The following ATR variants were observed in gnomAD, a reference collection of about 807,000 sequenced individuals.
The protein encoded by ATR is ATR checkpoint kinase.
ATR carries 142 observed loss-of-function variants against 305.3 expected under a neutral mutation model. The observed-to-expected ratio is 0.47, with a 90% CI of 0.41 to 0.53. The LOEUF (loss-of-function observed/expected upper bound fraction) is 0.53. ATR is among the 20% of genes least tolerant of loss of function. The probability of loss-of-function intolerance (pLI) is 0.00; values close to 1 mark genes in which losing one functional copy is unlikely to be tolerated. For missense variants in ATR, 2,135 were observed against 3,133.1 expected (o/e 0.68, Z 7.60); for synonymous variants, 1,050 against 1,068.1 (o/e 0.98, Z 0.33).
intron 46 of ATR, 166 bp from the exon 47 acceptor site, chr3:142,449,768 T>C (rs1295614509): frequency 1.4e-6 from 1 of 737,200 alleles, no homozygotes; most frequent in Non-Finnish European, 2.2e-6. Context: ...ACAGTTAGCT[T>C]GTGATACTGA....
intron 36 of ATR, among the ~76,000 whole-genome samples, chr3:142,481,079 G>T (rs535419024): frequency 2.6e-5 from 4 of 152,180 alleles, no homozygotes; most frequent in Admixed American, 6.5e-5. Context: ...TGCTCGGTGC[G>T]CTGCACCCAC....
chr3:142,467,834 A>C, intron 39 of ATR, 100 bp downstream of exon 39: 2 of 1,383,958 alleles, frequency 1.4e-6, no homozygotes, highest in Non-Finnish European at 2.0e-6. Flanking sequence ...GTACACCTAT[A>C]GTTAGAATTT....
At chr3:142,451,815 T>C in intron 46 of ATR, 3 of 1,274,612 alleles carry the variant, frequency 2.4e-6, no homozygotes, top group Non-Finnish European at 3.0e-6. Flanking sequence ...GTATATAGCT[T>C]GAGTGTGATC....
chr3:142,566,310 G>A (rs2108494859), intron 2 of ATR, 49 bp from the exon 3 acceptor site: 3 of 1,595,122 alleles, frequency 1.9e-6, no homozygotes, highest in Non-Finnish European at 2.6e-6. Context: ...TTAAACAATG[G>A]TCCTTTTGTT....
chr3:142,450,875 G>C, intron 46 of ATR: 1 of 1,315,322 alleles, frequency 7.6e-7, no homozygotes, highest in South Asian at 1.5e-5. Context: ...CAAGCAGACA[G>C]ATACCAATAC....
intron 31 of ATR, 134 bp downstream of exon 31, chr3:142,499,493 A>G: frequency 1.3e-6 from 1 of 755,296 alleles, no homozygotes; most frequent in Admixed American, 2.0e-5. Context: ...ACGGGGTTTC[A>G]CTGTGTTAGC....
chr3:142,568,072 CATCTGTAAGT>C lies in ATR; in HGVS notation c.132_141del (p.Ile44MetfsTer2). 1.2e-6 allele frequency: 2 copies of C among 1,606,420 alleles called. No individual in the cohort carries two copies. Among genetic ancestry groups the C allele is most frequent in the Non-Finnish European group, 1.7e-6 (2 of 1,174,964 alleles). ...ATAATTGGTTTCTTACCAACATTTA[CATCTGTAAGT>C]ATCCGGTCAATGAATTGACACAGAA... On this transcript the variant is annotated frameshift_variant, in exon 2 of 47. Transcript: ENST00000350721. LOFTEE classifies it high-confidence loss of function.
rs2227928 is a variant in ATR, at chr3:142,562,770, A to G, written c.632T>C (p.Met211Thr). ...NLEFIEVTLL[M>T]VLTRIIAIVF... ...AATTGCAATAATACGAGTAAGAACC[A>G]TTAATAAAGTGACTTCAATAAATTC... Residue 211 changes from methionine (M) to threonine (T), a missense_variant, in exon 4 of 47, where the codon ATG becomes ACG. Around this residue, in one of 9 missense-constraint regions of ATR, gnomAD observed 744 missense variants for 873.2 expected, o/e 0.85. Transcript: ENST00000350721. The G allele has an allele frequency of 0.58, 929,058 of 1,609,006 alleles. 272,275 individuals are homozygous for G. Among genetic ancestry groups the G allele is most frequent in the African/African-American group, 0.8 (59,385 of 74,640 alleles).
chr3:142,505,044 A>AAAAACAAAAC (rs540593291), intron 29 of ATR, 95 bp downstream of exon 29: 1 of 1,484,276 alleles, frequency 6.7e-7, no homozygotes, highest in Non-Finnish European at 9.3e-7. Flanking sequence ...ACTCTGTCTC[A>AAAAACAAAAC]AAAACAAAAC....
rs745958083 is a variant in ATR, at chr3:142,556,145, G to GA, written c.2079-7dup. Reference sequence around the variant, plus strand: ...AATCATCTTTGACTTTATCTCTGGGGAAAAAAAAGAAAAAGTACTAAACTT... The same window carrying GA: ...AATCATCTTTGACTTTATCTCTGGGGAAAAAAAAAGAAAAAGTACTAAACTT... On this transcript the variant is annotated splice_region_variant and splice_polypyrimidine_tract_variant and intron_variant, in intron 9 of 46. Coordinates refer to ENST00000350721, the MANE Select transcript of ATR (RefSeq NM_001184.4). 18 of 1,605,110 alleles carry GA rather than the reference G, an allele frequency of 1.1e-5. No individual in the cohort carries two copies. Among genetic ancestry groups the GA allele is most frequent in the Admixed American group, 6.9e-5 (4 of 57,758 alleles).
chr3:142,534,537 A>G (rs2033783046), intron 21 of ATR, among the ~76,000 whole-genome samples: 1 of 152,106 alleles, frequency 6.6e-6, no homozygotes, highest in African/African-American at 2.4e-5. Context: ...AATTCCGTTA[A>G]ATTTTTTCCA....
chr3:142,506,377 A>G (rs2032236752), intron 28 of ATR, among the ~76,000 whole-genome samples: 1 of 152,308 alleles, frequency 6.6e-6, no homozygotes, highest in African/African-American at 2.4e-5. Flanking sequence ...TTGAATTTTG[A>G]CAGGAAGAAA....
intron 15 of ATR, 26 bp from the exon 16 acceptor site, chr3:142,547,936 A>AT (rs1381238860): frequency 3.7e-6 from 6 of 1,608,460 alleles, no homozygotes; most frequent in Non-Finnish European, 5.1e-6. Flanking sequence ...GTTAAAAAAA[A>AT]TTTTTTTCTT....
chr3:142,513,616 T>C lies in ATR; in HGVS notation c.4526A>G (p.Lys1509Arg). ...ITKVRHDLAS[K>R]IFTCCSIMMK... ...CATAATGCTACAGCAGGTGAAAATT[T>C]TACTGGCAAGATCATGTCGAACCTG... Residue 1509 changes from lysine to arginine, a missense_variant, in exon 26 of 47, where the codon AAA becomes AGA. Physicochemically the swap from Lys to Arg is conservative, Grantham distance 26. Transcript: ENST00000350721. 1.2e-6 allele frequency: 2 copies of C among 1,613,740 alleles called. No individual in the cohort carries two copies. The highest frequency in any genetic ancestry group is 1.7e-6 in the Non-Finnish European group (2 of 1,179,800).
chr3:142,508,092 C>T lies in ATR; in HGVS notation c.4870G>A (p.Glu1624Lys). The T allele has an allele frequency of 6.2e-7, 1 of 1,612,128 alleles. No homozygotes were observed. The highest frequency in any genetic ancestry group is 1.1e-5 in the South Asian group (1 of 90,836). ...VDSMVSTVDY[E>K]DYQSVTRFLD... ...AAACGGGTTACACTCTGATAGTCTTCATAATCCACAGTAGATACTAGATCA... is the reference window on the plus strand; with the variant it reads ...AAACGGGTTACACTCTGATAGTCTTTATAATCCACAGTAGATACTAGATCA... The change falls in exon 28 of 47, where the codon GAA (glutamate) becomes AAA (lysine). Residue 1624 changes from glutamate (E) to lysine (K), a missense_variant. Around this residue, in one of 9 missense-constraint regions of ATR, gnomAD observed 202 missense variants for 252.9 expected, o/e 0.80. Coordinates refer to ENST00000350721, the MANE Select transcript of ATR (RefSeq NM_001184.4).
chr3:142,557,472 T>C (rs2034714003), intron 8 of ATR, among the ~76,000 whole-genome samples: 1 of 152,174 alleles, frequency 6.6e-6, no homozygotes, highest in Non-Finnish European at 1.5e-5. Flanking sequence ...CTCATAAAGA[T>C]AGTGTTGATC....
rs2034679972 is a variant in ATR at position 142,556,550 on chromosome 3, C to A, written c.1911G>T (p.Val637=). The change falls in exon 9 of 47, where the codon GTG becomes GTT. Residue 637 remains valine (V), a synonymous_variant. Transcript: ENST00000350721. ...TTCTTGGAAACAGAGTCAGAAGAAACACACATCGTGATTGTGCCTGTGGTG... is the reference window on the plus strand; with the variant it reads ...TTCTTGGAAACAGAGTCAGAAGAAAAACACATCGTGATTGTGCCTGTGGTG... The part of the protein sequence containing the change: ...SYSPQAQSRC[V]FLLTLFPRRI... The A allele has an allele frequency of 6.2e-7, 1 of 1,613,902 alleles. No homozygotes were observed. The highest frequency in any genetic ancestry group is 1.1e-5 in the South Asian group (1 of 91,068).
Position 142,568,048 on chromosome 3 carries a change from T to C in ATR, c.151+15A>G. On this transcript the variant is annotated intron_variant, in intron 2 of 46. Transcript: ENST00000350721. ...TAATTTATAAAGTTTATATAAGAAA[T>C]AATTGGTTTCTTACCAACATTTACA... is the stretch of plus-strand genomic sequence containing the variant. The C allele has an allele frequency of 1.3e-6, 2 of 1,564,776 alleles. No individual in the cohort carries two copies. The highest frequency in any genetic ancestry group is 1.2e-5 in the South Asian group (1 of 85,890).
chr3:142,497,263 T>C (rs941095569), intron 32 of ATR, 71 bp from the exon 33 acceptor site: 5 of 1,476,862 alleles, frequency 3.4e-6, no homozygotes, highest in Non-Finnish European at 3.7e-6. Context: ...ATAAAGCAAG[T>C]ACTTTAAATC....
Sources: allele counts gnomAD v4.1 joint callset (sites outside exome capture counted in the v4.1 genomes callset), GRCh38; gene constraint gnomAD v4.1.1; regional missense constraint gnomAD v4.1.1; transcripts MANE v1.5; gene names NCBI Gene and HGNC (gene_info 2026-07-23, HGNC 2026-07-21).